CLVS1: variants seen among roughly 807,000 people sequenced by gnomAD.
CLVS1 encodes clavesin-1.
A neutral mutation model predicts 33.1 loss-of-function variants in CLVS1; 10 were observed. The observed-to-expected ratio is 0.30, with a 90% CI of 0.19 to 0.51. The LOEUF (loss-of-function observed/expected upper bound fraction) is 0.51. CLVS1 is among the 20% of genes least tolerant of loss of function. The probability of loss-of-function intolerance (pLI) is 0.97; values close to 1 mark genes in which losing one functional copy is unlikely to be tolerated. For missense variants in CLVS1, 343 were observed against 433.4 expected (o/e 0.79, Z 1.85); for synonymous variants, 163 against 166.1 (o/e 0.98, Z 0.14).
intron 2 of CLVS1, among the ~76,000 whole-genome samples, chr8:61,246,166 A>ATTTTTTT (rs1808803030): frequency 8.5e-5 from 7 of 82,416 alleles, no homozygotes; most frequent in East Asian, 3.4e-4. Context: ...TTCCTTCCCA[A>ATTTTTTT]CTTTTTTTTT....
chr8:61,115,922 C>T (rs1333121704), intron 1 of CLVS1, among the ~76,000 whole-genome samples: 24 of 142,978 alleles, frequency 1.7e-4, no homozygotes, highest in Admixed American at 2.8e-4. Context: ...ATGGTATTTC[C>T]AGTTCTAGAT....
chr8:61,115,426 G>T (rs1005707225), intron 1 of CLVS1, among the ~76,000 whole-genome samples: 5 of 150,924 alleles, frequency 3.3e-5, no homozygotes, highest in East Asian at 1.9e-4. Context: ...TGCACATTGT[G>T]CAGGTTAGTT....
At chr8:61,172,135 G>A (rs565100658) in intron 2 of CLVS1, among the ~76,000 whole-genome samples, 1 of 152,100 alleles carries the variant, frequency 6.6e-6, no homozygotes, top group Non-Finnish European at 1.5e-5. Context: ...TCACTTCAAC[G>A]TATCAATATA....
the CLVS1 span, among the ~76,000 whole-genome samples, chr8:61,036,176 A>G: frequency 1.3e-5 from 2 of 152,256 alleles, no homozygotes; most frequent in South Asian, 4.1e-4. Context: ...GCAAAGGAGA[A>G]TGGGAGAGTT....
At chr8:61,459,001 C>T (rs1454815051) in intron 5 of CLVS1, among the ~76,000 whole-genome samples, 1 of 152,170 alleles carries the variant, frequency 6.6e-6, no homozygotes, top group Admixed American at 6.5e-5. Flanking sequence ...AAGTATGCCT[C>T]AGGGAATCTT....
chr8:61,067,851 C>T (rs1466986799), intron 1 of CLVS1, among the ~76,000 whole-genome samples: 1 of 151,980 alleles, frequency 6.6e-6, no homozygotes, highest in Non-Finnish European at 1.5e-5. Flanking sequence ...GGGTCAAGGG[C>T]TGTAAAACCA....
At chr8:61,105,098 G>A (rs2129287205) in intron 1 of CLVS1, among the ~76,000 whole-genome samples, 1 of 152,170 alleles carries the variant, frequency 6.6e-6, no homozygotes, top group East Asian at 1.9e-4. Context: ...CCAAAGTGCT[G>A]GAATTACAGG....
intron 2 of CLVS1, among the ~76,000 whole-genome samples, chr8:61,345,939 A>G (rs1812206059): frequency 1.3e-5 from 2 of 152,104 alleles, no homozygotes; most frequent in African/African-American, 4.8e-5. Flanking sequence ...AGCCAGCTCA[A>G]GAGTGATGCT....
At chr8:61,310,290 A>G (rs1459999310) in intron 2 of CLVS1, among the ~76,000 whole-genome samples, 1 of 152,360 alleles carries the variant, frequency 6.6e-6, no homozygotes, top group East Asian at 1.9e-4. Flanking sequence ...TTACTGAGGC[A>G]GTAATGCTCT....
chr8:60,976,417 G>A, the CLVS1 span, among the ~76,000 whole-genome samples: 7 of 151,792 alleles, frequency 4.6e-5, no homozygotes, highest in Non-Finnish European at 1.0e-4. Flanking sequence ...GAGTGCAGTG[G>A]CATAATCATG....
intron 2 of CLVS1, among the ~76,000 whole-genome samples, chr8:61,343,375 A>C (rs558129064): frequency 6.6e-6 from 1 of 152,328 alleles, no homozygotes; most frequent in Admixed American, 6.5e-5. Flanking sequence ...AGTCTAAAGA[A>C]TATAGATGAA....
intron 5 of CLVS1, chr8:61,465,360 G>A (rs935568705): frequency 1.3e-5 from 2 of 152,068 alleles, no homozygotes; most frequent in African/African-American, 4.8e-5. Context: ...AAGCACTCTC[G>A]ACCCATGCTT....
intron 2 of CLVS1, among the ~76,000 whole-genome samples, chr8:61,149,080 G>C (rs1369336188): frequency 6.6e-6 from 1 of 151,902 alleles, no homozygotes; most frequent in African/African-American, 2.4e-5. Context: ...TTTTTTGGTT[G>C]TTTTCTTATT....
intron 2 of CLVS1, among the ~76,000 whole-genome samples, chr8:61,189,128 G>A (rs1248692878): frequency 2.6e-5 from 4 of 152,140 alleles, no homozygotes; most frequent in Non-Finnish European, 5.9e-5. Context: ...AGAGAGAAAG[G>A]TTGGGTTACC....
intron 2 of CLVS1, among the ~76,000 whole-genome samples, chr8:61,136,554 G>A (rs1430985750): frequency 6.6e-6 from 1 of 152,154 alleles, no homozygotes; most frequent in Non-Finnish European, 1.5e-5. Context: ...GGAGCTGGAG[G>A]CCATTATCCT....
chr8:61,480,566 G>A (rs1430243316), intron 5 of CLVS1, among the ~76,000 whole-genome samples: 1 of 151,940 alleles, frequency 6.6e-6, no homozygotes, highest in Non-Finnish European at 1.5e-5. Context: ...TTTGGCTCAT[G>A]CATGGTGTGC....
At chr8:61,070,008 G>T (rs1412392100) in intron 1 of CLVS1, among the ~76,000 whole-genome samples, 1 of 152,042 alleles carries the variant, frequency 6.6e-6, no homozygotes, top group Non-Finnish European at 1.5e-5. Flanking sequence ...GGCCACGTTG[G>T]TCTCAAACTC....
chr8:61,151,031 T>C (rs1806523070), intron 2 of CLVS1, among the ~76,000 whole-genome samples: 1 of 152,212 alleles, frequency 6.6e-6, no homozygotes, highest in South Asian at 2.1e-4. Context: ...CCCCAGACTA[T>C]GTTTGAGCAG....
At chr8:61,139,124 G>T (rs548546257) in intron 2 of CLVS1, among the ~76,000 whole-genome samples, 1 of 152,234 alleles carries the variant, frequency 6.6e-6, no homozygotes, top group Non-Finnish European at 1.5e-5. Flanking sequence ...CTCTGCCTTT[G>T]CCCGAGCGCT....
Sources: gnomAD v4.1 joint callset for allele counts (sites outside exome capture counted in the v4.1 genomes callset) on GRCh38, gnomAD v4.1.1 for gene constraint, MANE v1.5 for transcripts, NCBI Gene and HGNC (gene_info 2026-07-23, HGNC 2026-07-21) for gene names.